KCNH7: variants seen among roughly 807,000 people sequenced by gnomAD.
The protein encoded by KCNH7 is potassium voltage-gated channel subfamily H member 7, also known as voltage-gated inwardly rectifying potassium channel KCNH7.
In KCNH7, 49 loss-of-function variants were observed where a neutral mutation model predicts 120.8. The ratio of observed to expected loss-of-function variants is 0.41; its 90% CI spans 0.32 to 0.51. The LOEUF is 0.51. Ranked by LOEUF, KCNH7 falls within the 20% of genes least tolerant of loss-of-function variation. The probability of loss-of-function intolerance (pLI) is 0.38; values close to 1 mark genes in which losing one functional copy is unlikely to be tolerated. For synonymous variants in KCNH7, 547 were observed against 516.1 expected, an observed-to-expected ratio of 1.06 and a Z score of -0.81; for missense variants, 1,097 against 1,446.6, an observed-to-expected ratio of 0.76 and a Z score of 3.92.
At chr2:162,545,456 T>A (rs1692447276) in intron 2 of KCNH7, among the ~76,000 whole-genome samples, 1 of 152,024 alleles carries the variant, frequency 6.6e-6, no homozygotes, top group South Asian at 2.1e-4. Flanking sequence ...GTCACCCAGG[T>A]CACCTAAGGA....
chr2:162,783,888 AT>A (rs1161674140), intron 2 of KCNH7, among the ~76,000 whole-genome samples: 1 of 152,174 alleles, frequency 6.6e-6, no homozygotes, highest in East Asian at 1.9e-4. Context: ...ATGTAAAAAA[AT>A]GTCTGCTTAT....
At chr2:162,702,562 T>C (rs1160159585) in intron 2 of KCNH7, among the ~76,000 whole-genome samples, 1 of 152,180 alleles carries the variant, frequency 6.6e-6, no homozygotes, top group East Asian at 1.9e-4. Flanking sequence ...TGATATATTG[T>C]CTGTCAAATA....
At chr2:162,791,775 T>G (rs1253615203) in intron 2 of KCNH7, among the ~76,000 whole-genome samples, 1 of 152,138 alleles carries the variant, frequency 6.6e-6, no homozygotes, top group African/African-American at 2.4e-5. Flanking sequence ...CCTTTACTTC[T>G]TTCCCTTGGC....
chr2:162,478,464 A>C (rs527447641), intron 6 of KCNH7, among the ~76,000 whole-genome samples: 1 of 152,162 alleles, frequency 6.6e-6, no homozygotes, highest in Non-Finnish European at 1.5e-5. Flanking sequence ...TGTAATAAGA[A>C]CAATTTTAAT....
chr2:162,551,252 T>A (rs556165053), intron 2 of KCNH7, among the ~76,000 whole-genome samples: 6 of 152,274 alleles, frequency 3.9e-5, no homozygotes, highest in African/African-American at 1.2e-4. Flanking sequence ...TTACTCAACA[T>A]TCCAGGGGAA....
In KCNH7 at chr2:162,675,784, G is replaced by A. The variant is rs557393213; in HGVS notation, c.308-138704C>T. On this transcript the variant is annotated intron_variant, in intron 2 of 15. Transcript: ENST00000332142. ...CTTAAGCTGAGTAGTGGATACTTGC[G>A]TATTTTCTGTAATTTACATATGAAA... Among the ~76,000 whole-genome samples the A allele has an allele frequency of 3.4e-4, 52 of 151,380 alleles. 1 individual carries two copies. Among genetic ancestry groups the A allele is most frequent in the South Asian group, 8.3e-4 (4 of 4,828 alleles).
At chr2:162,437,838 T>A (rs982908176) in intron 7 of KCNH7, among the ~76,000 whole-genome samples, 3 of 152,100 alleles carry the variant, frequency 2.0e-5, no homozygotes, top group African/African-American at 7.2e-5. Flanking sequence ...GAATCACAAG[T>A]GGGGGCCTTT....
intron 2 of KCNH7, among the ~76,000 whole-genome samples, chr2:162,697,372 A>T (rs1686331061): frequency 6.6e-6 from 1 of 152,184 alleles, no homozygotes; most frequent in Admixed American, 6.6e-5. Flanking sequence ...GTGCCAATCA[A>T]CTATAAGAAA....
chr2:162,680,685 G>A (rs1225343079), intron 2 of KCNH7, among the ~76,000 whole-genome samples: 2 of 151,742 alleles, frequency 1.3e-5, no homozygotes, highest in African/African-American at 4.8e-5. Context: ...GTCTGATTCT[G>A]GAGTCAGGGT....
At chr2:162,659,021 G>A (rs1358704031) in intron 2 of KCNH7, among the ~76,000 whole-genome samples, 2 of 152,162 alleles carry the variant, frequency 1.3e-5, no homozygotes, top group East Asian at 3.9e-4. Context: ...AGAATGACAT[G>A]AGGAGACACC....
At position 162,783,391 on chromosome 2, in the gene KCNH7, T is replaced by C. The variant is rs1327185105; in HGVS notation, c.307+53146A>G. 3.3e-5 allele frequency among the ~76,000 whole-genome samples: 5 copies of C among 152,160 alleles called. No homozygotes were observed. The East Asian group carries it at 9.6e-4, about 29-fold the overall frequency. On this transcript the variant is annotated intron_variant, in intron 2 of 15. Coordinates refer to ENST00000332142, the MANE Select transcript of KCNH7 (RefSeq NM_033272.4). ...GAAAAACATCCATTTGCTTCAACATTTGATAAACTTGGAAAATATTGGCAA... is the reference window on the plus strand; with the variant it reads ...GAAAAACATCCATTTGCTTCAACATCTGATAAACTTGGAAAATATTGGCAA...
At chr2:162,394,594 T>G (rs1686849642) in intron 11 of KCNH7, 109 bp from the exon 12 acceptor site, 2 of 663,778 alleles carry the variant, frequency 3.0e-6, no homozygotes, top group Non-Finnish European at 5.2e-6. Context: ...TCTTGAGACT[T>G]AATTATTAGA....
intron 2 of KCNH7, among the ~76,000 whole-genome samples, chr2:162,677,932 TA>T (rs1031499375): frequency 6.6e-6 from 1 of 151,534 alleles, no homozygotes; most frequent in African/African-American, 2.4e-5. Flanking sequence ...AGTCTCTTTT[TA>T]AAGTGCCAGC....
In KCNH7 at chr2:162,648,553, G is replaced by A. The variant is rs776757285; in HGVS notation, c.308-111473C>T. ...TTTCCTCTCTCTCTACTTTCTCCAT[G>A]TGCCTGTTAGCATTCCATGAATACA... is the stretch of plus-strand genomic sequence containing the variant. On this transcript the variant is annotated intron_variant, in intron 2 of 15. Coordinates refer to ENST00000332142, the MANE Select transcript of KCNH7 (RefSeq NM_033272.4). 2.6e-5 allele frequency among the ~76,000 whole-genome samples: 4 copies of A among 152,190 alleles called. No individual in the cohort carries two copies. The East Asian group carries it at 5.8e-4, about 22-fold the overall frequency.
At chr2:162,386,546 C>A (rs536180338) in intron 12 of KCNH7, among the ~76,000 whole-genome samples, 1 of 151,938 alleles carries the variant, frequency 6.6e-6, no homozygotes, top group African/African-American at 2.4e-5. Flanking sequence ...TTCTTGTGAT[C>A]TGTCACTTGG....
intron 2 of KCNH7, among the ~76,000 whole-genome samples, chr2:162,542,520 G>A (rs528987175): frequency 1.1e-3 from 164 of 150,450 alleles, no homozygotes; most frequent in Admixed American, 3.2e-3. Flanking sequence ...TTGTCCTTGC[G>A]ATAGTTTACT....
At chr2:162,599,263 T>C (rs1057229167) in intron 2 of KCNH7, among the ~76,000 whole-genome samples, 1 of 151,784 alleles carries the variant, frequency 6.6e-6, no homozygotes, top group Non-Finnish European at 1.5e-5. Flanking sequence ...AAAGCTCATG[T>C]AATCAAACAA....
At chr2:162,387,835 T>C (rs978236840) in intron 12 of KCNH7, among the ~76,000 whole-genome samples, 3 of 151,742 alleles carry the variant, frequency 2.0e-5, no homozygotes, top group African/African-American at 7.2e-5. Flanking sequence ...TATAATAATC[T>C]TTTCTTTCAA....
chr2:162,706,141 G>A (rs769614896), intron 2 of KCNH7, among the ~76,000 whole-genome samples: 2 of 152,076 alleles, frequency 1.3e-5, no homozygotes, highest in Non-Finnish European at 2.9e-5. Context: ...AGCTGTGCTG[G>A]AGACCGTGGT....
Sources: gnomAD v4.1 joint callset for allele counts (sites outside exome capture counted in the v4.1 genomes callset) on GRCh38, gnomAD v4.1.1 for gene constraint, MANE v1.5 for transcripts, NCBI Gene and HGNC (gene_info 2026-07-23, HGNC 2026-07-21) for gene names.